CELF5: variants seen among roughly 807,000 people sequenced by gnomAD.
CELF5 encodes the protein CUG-BP and ETR-3 like factor 5.
In CELF5, 6 loss-of-function variants were observed where a neutral mutation model predicts 54.9. That is an observed-to-expected ratio of 0.11 (90% CI 0.06 to 0.22). CELF5 has a LOEUF of 0.22. Among genes scored for constraint, CELF5 ranks in the 10% least tolerant of loss-of-function variants. CELF5 has a pLI of 1.00. For missense variants in CELF5, 401 were observed against 678.6 expected, an observed-to-expected ratio of 0.59 and a Z score of 4.54; for synonymous variants, 271 against 290.9, an observed-to-expected ratio of 0.93 and a Z score of 0.70.
At chr19:3,284,317 A>C (rs1248146108) in intron 8 of CELF5, among the ~76,000 whole-genome samples, 1 of 152,166 alleles carries the variant, frequency 6.6e-6, no homozygotes, top group African/African-American at 2.4e-5. Context: ...TTGAAGTCAC[A>C]GTCACCACCA....
intron 2 of CELF5, among the ~76,000 whole-genome samples, chr19:3,262,675 G>T (rs2079821384): frequency 6.6e-6 from 1 of 152,162 alleles, no homozygotes; most frequent in South Asian, 2.1e-4. Context: ...TAAGGGCCGG[G>T]CGCAGTGGCT....
chr19:3,287,299 C>A (rs953708154), intron 10 of CELF5, among the ~76,000 whole-genome samples: 7 of 150,840 alleles, frequency 4.6e-5, no homozygotes, highest in Non-Finnish European at 8.9e-5. Context: ...GTGGCTCATG[C>A]CTGTAATCCT....
intron 1 of CELF5, among the ~76,000 whole-genome samples, chr19:3,239,713 C>T (rs2079464572): frequency 1.3e-5 from 2 of 151,932 alleles, no homozygotes; most frequent in South Asian, 4.2e-4. Context: ...CCACCAAAGC[C>T]CTACCTTAGA....
chr19:3,286,731 CAA>C (rs869111454), intron 10 of CELF5: 102 of 59,590 alleles, frequency 1.7e-3, no homozygotes, highest in African/African-American at 4.3e-3. Flanking sequence ...GACTCCATCT[CAA>C]AAAAAAAAAA....
rs2080162532 is a variant in CELF5, at chr19:3,282,119, C to A, written c.751-7C>A. 6.2e-7 allele frequency: 1 copy of A among 1,613,984 alleles called. No individual in the cohort carries two copies. Among genetic ancestry groups the A allele is most frequent in the Non-Finnish European group, 8.5e-7 (1 of 1,180,008 alleles). On this transcript the variant is annotated splice_region_variant and splice_polypyrimidine_tract_variant and intron_variant, in intron 6 of 12. Coordinates refer to ENST00000292672, the MANE Select transcript of CELF5 (RefSeq NM_021938.4). This position sits in a 1 kb window ranked among gnomAD's most constrained non-coding sequence, Gnocchi z 5.2. Reference sequence around the variant, plus strand: ...TCACCCCAACTGTGACATGTCTTCACCCCCAGCTCATGCAACAGCAGACAA... The same window carrying A: ...TCACCCCAACTGTGACATGTCTTCAACCCCAGCTCATGCAACAGCAGACAA...
intron 2 of CELF5, among the ~76,000 whole-genome samples, chr19:3,266,369 A>G (rs2079882041): frequency 6.6e-6 from 1 of 151,584 alleles, no homozygotes; most frequent in South Asian, 2.1e-4. Flanking sequence ...CTCCTACCTC[A>G]CTATGATCGC....
At chr19:3,267,089 A>ATGTG (rs72295446) in intron 2 of CELF5, among the ~76,000 whole-genome samples, 2 of 147,076 alleles carry the variant, frequency 1.4e-5, no homozygotes, top group South Asian at 2.1e-4. Flanking sequence ...GCGTGTGTGC[A>ATGTG]TGTGTGTGTG....
At chr19:3,226,848 G>A (rs184199369) in intron 1 of CELF5, among the ~76,000 whole-genome samples, 50 of 152,126 alleles carry the variant, frequency 3.3e-4, no homozygotes, top group Admixed American at 2.7e-3. Flanking sequence ...AGGGGCTGGG[G>A]CTGGGTTTTC....
intron 2 of CELF5, among the ~76,000 whole-genome samples, chr19:3,272,315 G>C (rs967810946): frequency 2.0e-5 from 3 of 151,888 alleles, no homozygotes; most frequent in Admixed American, 1.3e-4. Flanking sequence ...GCTGCAGTAA[G>C]CCGAGATCAC....
At chr19:3,274,628 G>A (rs894651286) in intron 3 of CELF5, among the ~76,000 whole-genome samples, 3 of 152,272 alleles carry the variant, frequency 2.0e-5, no homozygotes, top group East Asian at 3.9e-4. Flanking sequence ...CCATGGTGGG[G>A]GCATACTCAG....
rs1223436580 is a variant in CELF5 at position 3,282,713 on chromosome 19, T to C, written c.1039+215T>C. 6.6e-6 allele frequency among the ~76,000 whole-genome samples: 1 copy of C among 152,204 alleles called. No homozygotes were observed. The highest frequency in any genetic ancestry group is 1.5e-5 in the Non-Finnish European group (1 of 68,036). On this transcript the variant is annotated intron_variant, in intron 8 of 12. Coordinates refer to ENST00000292672, the MANE Select transcript of CELF5 (RefSeq NM_021938.4). The surrounding 1 kb of genome is among the most constrained non-coding windows in gnomAD (Gnocchi z 5.2). ...ACGGTGCATCTGGATGTTTCTGAGCTTAAATTCCAGTTCAGTGACCCTGGA... is the reference window on the plus strand; with the variant it reads ...ACGGTGCATCTGGATGTTTCTGAGCCTAAATTCCAGTTCAGTGACCCTGGA...
chr19:3,232,439 G>A (rs1219309995), intron 1 of CELF5, among the ~76,000 whole-genome samples: 1 of 152,026 alleles, frequency 6.6e-6, no homozygotes, highest in Non-Finnish European at 1.5e-5. Flanking sequence ...AGCCACTCAG[G>A]AGGCTGAGGA....
At chr19:3,279,433 C>A (rs1236841329) in intron 5 of CELF5, among the ~76,000 whole-genome samples, 2 of 152,092 alleles carry the variant, frequency 1.3e-5, no homozygotes, top group Non-Finnish European at 2.9e-5. Context: ...CTCTTAAAAC[C>A]CAGGGGAGGG....
chr19:3,244,393 T>C (rs436485), intron 1 of CELF5, among the ~76,000 whole-genome samples: 1 of 151,076 alleles, frequency 6.6e-6, no homozygotes, highest in Admixed American at 6.6e-5. Flanking sequence ...GTAGTGTGTG[T>C]GGTGTGCATG....
chr19:3,277,095 ATG>A (rs943190779), intron 4 of CELF5, among the ~76,000 whole-genome samples: 1 of 152,160 alleles, frequency 6.6e-6, no homozygotes, highest in African/African-American at 2.4e-5. Flanking sequence ...AGAGCTCATC[ATG>A]TGGGACCGAC....
chr19:3,235,646 GTGGA>G (rs1273273181), intron 1 of CELF5, among the ~76,000 whole-genome samples: 745 of 44,596 alleles, frequency 0.017, 10 homozygotes, highest in African/African-American at 0.033. Flanking sequence ...GGGTGGATGA[GTGGA>G]TGGATGGATG....
In CELF5 at chr19:3,268,516, C is replaced by T. The variant is rs939977863; in HGVS notation, c.343-5356C>T. Among the ~76,000 whole-genome samples the T allele has an allele frequency of 1.3e-5, 2 of 152,014 alleles. No homozygotes were observed. The highest frequency in any genetic ancestry group is 4.8e-5 in the African/African-American group (2 of 41,382). On this transcript the variant is annotated intron_variant, in intron 2 of 12. Coordinates refer to ENST00000292672, the MANE Select transcript of CELF5 (RefSeq NM_021938.4). This position sits in a 1 kb window ranked among gnomAD's most constrained non-coding sequence, Gnocchi z 4.4. ...ATTGTAAGACACTGCCTGGCACCAG[C>T]TCTTGGGTGACTTCCCGTGCCAGGC...
chr19:3,249,084 C>T (rs1031011926), intron 1 of CELF5, among the ~76,000 whole-genome samples: 1 of 151,986 alleles, frequency 6.6e-6, no homozygotes, highest in African/African-American at 2.4e-5. Flanking sequence ...GCGGGAGCGA[C>T]CAGCAGGTGG....
chr19:3,261,721 T>C (rs2079808946), intron 2 of CELF5, among the ~76,000 whole-genome samples: 1 of 152,056 alleles, frequency 6.6e-6, no homozygotes, highest in Non-Finnish European at 1.5e-5. Flanking sequence ...CCTGGGAGGC[T>C]GAGACAGGAG....
Sources: allele counts gnomAD v4.1 joint callset (sites outside exome capture counted in the v4.1 genomes callset), GRCh38; gene constraint gnomAD v4.1.1; non-coding constraint Gnocchi (gnomAD v3.1); transcripts MANE v1.5; gene names NCBI Gene and HGNC (gene_info 2026-07-23, HGNC 2026-07-21).